Variants in RPS6KC1 observed in about 807,000 individuals in gnomAD.
RPS6KC1 encodes the protein ribosomal protein S6 kinase C1, also known as inactive ribosomal protein S6 kinase delta-1.
A neutral mutation model predicts 103.8 loss-of-function variants in RPS6KC1; 54 were observed. That is an observed-to-expected ratio of 0.52 (90% confidence interval 0.42 to 0.65). The LOEUF is 0.65. RPS6KC1 is among the 30% of genes least tolerant of loss of function. The probability of loss-of-function intolerance (pLI) is 0.00; values close to 1 mark genes in which losing one functional copy is unlikely to be tolerated. For missense variants in RPS6KC1, 1,151 were observed against 1,253.8 expected (o/e 0.92, Z 1.24); for synonymous variants, 439 against 438.7 (o/e 1.00, Z -0.01).
chr1:213,625,752 T>C, the RPS6KC1 span, among the ~76,000 whole-genome samples: 40 of 152,300 alleles, frequency 2.6e-4, no homozygotes, highest in African/African-American at 8.7e-4. Flanking sequence ...CTACAAAGGA[T>C]ATGAACTCAT....
the RPS6KC1 span, among the ~76,000 whole-genome samples, chr1:213,297,971 A>G: frequency 3.3e-5 from 5 of 152,158 alleles, no homozygotes; most frequent in Non-Finnish European, 7.3e-5. Flanking sequence ...CTCCCTAGCT[A>G]AGAAACTGCT....
chr1:213,330,437 G>T, the RPS6KC1 span, among the ~76,000 whole-genome samples: 247 of 152,318 alleles, frequency 1.6e-3, 2 homozygotes, highest in African/African-American at 5.4e-3. Flanking sequence ...GCTGAGACAG[G>T]TGACTGGATG....
the RPS6KC1 span, among the ~76,000 whole-genome samples, chr1:213,686,551 G>A: frequency 6.6e-6 from 1 of 152,156 alleles, no homozygotes; most frequent in Admixed American, 6.5e-5. Flanking sequence ...TTTTAAAAAT[G>A]CTACTAATTT....
chr1:213,481,026 A>C, the RPS6KC1 span, among the ~76,000 whole-genome samples: 60 of 152,204 alleles, frequency 3.9e-4, no homozygotes, highest in Non-Finnish European at 7.8e-4. Flanking sequence ...AACTTGCTGA[A>C]TTTTACGTTT....
At chr1:213,232,380 C>T (rs2094124325) in intron 10 of RPS6KC1, 125 bp downstream of exon 10, 4 of 1,180,514 alleles carry the variant, frequency 3.4e-6, no homozygotes, top group Non-Finnish European at 5.0e-6. Context: ...TTTCCTATTC[C>T]TCTGCTCTAC....
intron 2 of RPS6KC1, among the ~76,000 whole-genome samples, chr1:213,074,072 G>C (rs768845642): frequency 6.6e-6 from 1 of 152,202 alleles, no homozygotes; most frequent in Non-Finnish European, 1.5e-5. Context: ...AGTGATGTTG[G>C]TTGTAAGAAG....
chr1:213,214,549 T>G (rs2093607796), intron 8 of RPS6KC1, among the ~76,000 whole-genome samples: 1 of 152,200 alleles, frequency 6.6e-6, no homozygotes, highest in Non-Finnish European at 1.5e-5. Flanking sequence ...AGCATGGACC[T>G]TGAGATCTGA....
At chr1:213,203,718 C>G (rs1347470700) in intron 8 of RPS6KC1, among the ~76,000 whole-genome samples, 1 of 152,120 alleles carries the variant, frequency 6.6e-6, no homozygotes, top group African/African-American at 2.4e-5. Context: ...ACCTATAACC[C>G]TGCTACCTAC....
chr1:213,597,605 A>G, the RPS6KC1 span, among the ~76,000 whole-genome samples: 1 of 152,178 alleles, frequency 6.6e-6, no homozygotes, highest in African/African-American at 2.4e-5. Context: ...AGGAAGGGGA[A>G]ACCGAAGATC....
chr1:213,183,431 G>A (rs935613686), intron 8 of RPS6KC1, among the ~76,000 whole-genome samples: 1 of 152,066 alleles, frequency 6.6e-6, no homozygotes, highest in African/African-American at 2.4e-5. Flanking sequence ...TGGAAGTATT[G>A]AAATCATACT....
the RPS6KC1 span, among the ~76,000 whole-genome samples, chr1:213,371,237 A>G: frequency 2.6e-5 from 4 of 152,142 alleles, no homozygotes; most frequent in Admixed American, 6.5e-5. Context: ...TATTTCACTT[A>G]CTATGATGTC....
rs536451388 is a variant in RPS6KC1, at chr1:213,150,695, A to G, written c.836-17163A>G. ...TTTCTTAGTACAGAACAAAATGAAAAGTCTCCCATGTCTACTTCTTTCTAC... is the reference window on the plus strand; with the variant it reads ...TTTCTTAGTACAGAACAAAATGAAAGGTCTCCCATGTCTACTTCTTTCTAC... On this transcript the variant is annotated intron_variant, in intron 6 of 14. Coordinates refer to ENST00000366960, the MANE Select transcript of RPS6KC1 (RefSeq NM_012424.6). Among the ~76,000 whole-genome samples the G allele has an allele frequency of 3.9e-5, 6 of 152,188 alleles. No individual in the cohort carries two copies. In the East Asian group the frequency reaches 9.7e-4, roughly 25 times the overall value.
At chr1:213,145,719 T>G (rs528491207) in intron 6 of RPS6KC1, among the ~76,000 whole-genome samples, 1 of 152,012 alleles carries the variant, frequency 6.6e-6, no homozygotes, top group Non-Finnish European at 1.5e-5. Context: ...TAATTTTTAT[T>G]TTTTTCAATT....
At chr1:213,509,357 A>G in the RPS6KC1 span, among the ~76,000 whole-genome samples, 6 of 151,574 alleles carry the variant, frequency 4.0e-5, no homozygotes, top group Non-Finnish European at 7.4e-5. Context: ...TTTTTCTTCT[A>G]AGAATTAGAA....
chr1:213,842,496 G>C, the RPS6KC1 span, among the ~76,000 whole-genome samples: 1 of 151,974 alleles, frequency 6.6e-6, no homozygotes, highest in African/African-American at 2.4e-5. Context: ...ATACTTACCT[G>C]GTTGAAAGCT....
chr1:213,540,487 G>T, the RPS6KC1 span, among the ~76,000 whole-genome samples: 29 of 152,092 alleles, frequency 1.9e-4, no homozygotes, highest in African/African-American at 6.8e-4. Context: ...GGGACCACAG[G>T]TGCATACCAC....
At chr1:213,243,261 C>T (rs757292718) in intron 12 of RPS6KC1, among the ~76,000 whole-genome samples, 1 of 148,572 alleles carries the variant, frequency 6.7e-6, no homozygotes, top group Non-Finnish European at 1.5e-5. Flanking sequence ...GGGTGCATGC[C>T]ATTATTCCTG....
chr1:213,822,058 C>G, the RPS6KC1 span: 2 of 152,210 alleles, frequency 1.3e-5, no homozygotes, highest in Non-Finnish European at 2.9e-5. Context: ...TCAGAAAGTG[C>G]CCCTGTTGGT....
At chr1:213,161,573 G>A (rs959542672) in intron 6 of RPS6KC1, among the ~76,000 whole-genome samples, 1 of 152,076 alleles carries the variant, frequency 6.6e-6, no homozygotes, top group Non-Finnish European at 1.5e-5. Flanking sequence ...CACCTGCTTT[G>A]GCCTCCCAAA....
Sources: allele counts gnomAD v4.1 joint callset (sites outside exome capture counted in the v4.1 genomes callset), GRCh38; gene constraint gnomAD v4.1.1; transcripts MANE v1.5; gene names NCBI Gene and HGNC (gene_info 2026-07-23, HGNC 2026-07-21).